Variants in POLR1A observed in about 807,000 individuals in gnomAD.
POLR1A encodes the protein DNA-directed RNA polymerase I subunit RPA1.
A neutral mutation model predicts 205.3 loss-of-function variants in POLR1A; 84 were observed. That is an observed-to-expected ratio of 0.41 (90% CI 0.34 to 0.49). The LOEUF (loss-of-function observed/expected upper bound fraction) is 0.49. Ranked by LOEUF, POLR1A falls within the 20% of genes least tolerant of loss-of-function variation. The pLI is 0.22. For synonymous variants in POLR1A, 799 were observed against 863.7 expected, an observed-to-expected ratio of 0.93 and a Z score of 1.31; for missense variants, 1,645 against 2,204.5, an observed-to-expected ratio of 0.75 and a Z score of 5.08.
rs1311958886 is a variant in POLR1A at position 86,078,299 on chromosome 2, C to T, written c.1087-15G>A. On this transcript the variant is annotated splice_polypyrimidine_tract_variant and intron_variant, in intron 9 of 33. Transcript: ENST00000263857. The stretch of plus-strand genomic sequence containing the variant: ...GAGTCTTTTTCCTGGAAGATGAAAC[C>T]AAGAAAACAGGGATGATGGAAAAAA... 3 of 1,557,222 alleles carry T rather than the reference C, an allele frequency of 1.9e-6. No homozygotes were observed. Among genetic ancestry groups the T allele is most frequent in the African/African-American group, 1.4e-5 (1 of 71,864 alleles).
In POLR1A at chr2:86,025,457, TC is replaced by T. The variant is rs1352505885; in HGVS notation, c.*1965del. 6.6e-6 allele frequency: 1 copy of T among 152,186 alleles called. No homozygotes were observed. Among genetic ancestry groups the T allele is most frequent in the Admixed American group, 6.5e-5 (1 of 15,276 alleles). The allele number at this position is 152,186 out of a possible 1,614,324, so 9.4% of individuals were successfully genotyped here. Reference sequence around the variant, plus strand: ...TCCCTGCTCATCAGGATGTGCAAGCTCCCAAATGTCTGTTTAAAAACCAGAC... The same window carrying T: ...TCCCTGCTCATCAGGATGTGCAAGCTCCAAATGTCTGTTTAAAAACCAGAC... On this transcript the variant is annotated 3_prime_UTR_variant, in exon 34 of 34. Transcript: ENST00000263857.
chr2:86,040,924 A>T (rs1337769515), intron 24 of POLR1A, among the ~76,000 whole-genome samples: 2 of 152,122 alleles, frequency 1.3e-5, no homozygotes, highest in African/African-American at 4.8e-5. Flanking sequence ...CTTCTCAATT[A>T]TGACAATTTG....
In POLR1A at chr2:86,047,273, A is replaced by T; in HGVS notation, c.2635-10T>A. 1 of 1,580,920 alleles carries T rather than the reference A, an allele frequency of 6.3e-7. No individual in the cohort carries two copies. The highest frequency in any genetic ancestry group is 1.3e-5 in the African/African-American group (1 of 74,416). On this transcript the variant is annotated splice_polypyrimidine_tract_variant and intron_variant, in intron 18 of 33. Transcript: ENST00000263857. ...CAAAAGGCATGCATGCCTGCAGATT[A>T]AATCAGCACAGTGGTCAGTGACTTC...
In POLR1A at chr2:86,043,299, G is replaced by A. The variant is rs569928710; in HGVS notation, c.3136-104C>T. 3.1e-5 allele frequency: 28 copies of A among 895,790 alleles called. No individual in the cohort carries two copies. In the South Asian group the frequency reaches 4.2e-4, roughly 13 times the overall value. The allele number at this position is 895,790 out of a possible 1,614,324, so 55.5% of individuals were successfully genotyped here. On this transcript the variant is annotated intron_variant, in intron 22 of 33. Transcript: ENST00000263857. Reference sequence around the variant, plus strand: ...TGGAGCACAAATTCAGGGGACCCAGGTGGCTGGTGTGGAGCCCTCATGATG... The same window carrying A: ...TGGAGCACAAATTCAGGGGACCCAGATGGCTGGTGTGGAGCCCTCATGATG...
rs1313260726 is a variant in POLR1A at position 86,065,202 on chromosome 2, T to C, written c.2058+72A>G. 5 of 1,349,152 alleles carry C rather than the reference T, an allele frequency of 3.7e-6. No homozygotes were observed. The East Asian group carries it at 6.9e-5, about 19-fold the overall frequency. 83.6% of individuals were successfully genotyped at this position (1,349,152 alleles called of 1,614,324 possible). ...TCTCTGTCTCTGGTCTGGACTCTTC[T>C]GAGAATAAAACCTTTTACATGAGTG... On this transcript the variant is annotated intron_variant, in intron 14 of 33. Coordinates refer to ENST00000263857, the MANE Select transcript of POLR1A (RefSeq NM_015425.6).
chr2:86,089,171 C>T (rs187801335), intron 4 of POLR1A, among the ~76,000 whole-genome samples: 57 of 152,330 alleles, frequency 3.7e-4, no homozygotes, highest in Non-Finnish European at 1.6e-4. Context: ...AGCCAGTACT[C>T]AATAAGTGCT....
At chr2:86,086,013 C>T (rs1330070165) in intron 6 of POLR1A, among the ~76,000 whole-genome samples, 1 of 152,010 alleles carries the variant, frequency 6.6e-6, no homozygotes, top group Non-Finnish European at 1.5e-5. Flanking sequence ...GACAGCGCTC[C>T]TTGTGGGATC....
At chr2:86,099,867 G>A in intron 2 of POLR1A, 101 bp downstream of exon 2, 1 of 897,626 alleles carries the variant, frequency 1.1e-6, no homozygotes, top group Admixed American at 1.9e-5. Context: ...TCATTGGAGT[G>A]CCTGGGGCTT....
rs1458504975 is a variant in POLR1A, at chr2:86,052,810, C to T, written c.2392+7G>A. On this transcript the variant is annotated splice_region_variant and intron_variant, in intron 16 of 33. Transcript: ENST00000263857. Reference sequence around the variant, plus strand: ...CACTGCCCCAGGGCAGCGAGCCCGGCACTTACCCAAGGTGAAGCCTCTGTA... The same window carrying T: ...CACTGCCCCAGGGCAGCGAGCCCGGTACTTACCCAAGGTGAAGCCTCTGTA... 5 of 1,509,802 alleles carry T rather than the reference C, an allele frequency of 3.3e-6. No homozygotes were observed. In the African/African-American group the frequency reaches 4.3e-5, roughly 13 times the overall value. 93.5% of individuals were successfully genotyped at this position (1,509,802 alleles called of 1,614,324 possible).
At chr2:86,074,897 C>T in intron 12 of POLR1A, 133 bp downstream of exon 12, 1 of 642,316 alleles carries the variant, frequency 1.6e-6, no homozygotes, top group Non-Finnish European at 2.7e-6. Flanking sequence ...AAAAGCCACC[C>T]ACGTGTCGGG....
intron 14 of POLR1A, among the ~76,000 whole-genome samples, chr2:86,062,595 C>T (rs13413723): frequency 0.042 from 6,321 of 151,436 alleles, 461 homozygotes; most frequent in African/African-American, 0.15. Context: ...CATAAAATGC[C>T]TACATTGAAA....
chr2:86,027,943 C>T lies in POLR1A; in HGVS notation c.5004G>A (p.Pro1668=), dbSNP rs760393184. ...NRFGIRSNSS[P]LQQMTFETSF... ...TGGTTTCAAATGTCATCTGCTGTAGCGGGGAAGAGTTTGACCGGATCCCAA... is the reference window on the plus strand; with the variant it reads ...TGGTTTCAAATGTCATCTGCTGTAGTGGGGAAGAGTTTGACCGGATCCCAA... The change falls in exon 33 of 34, where the codon CCG becomes CCA. Residue 1668 remains proline, a synonymous_variant. Coordinates refer to ENST00000263857, the MANE Select transcript of POLR1A (RefSeq NM_015425.6). 6.2e-6 allele frequency: 10 copies of T among 1,614,196 alleles called. No individual in the cohort carries two copies. Among genetic ancestry groups the T allele is most frequent in the African/African-American group, 2.7e-5 (2 of 75,058 alleles).
chr2:86,046,721 G>T (rs1237764346), intron 19 of POLR1A, among the ~76,000 whole-genome samples: 1 of 152,000 alleles, frequency 6.6e-6, no homozygotes, highest in Non-Finnish European at 1.5e-5. Context: ...GCGCATGCCT[G>T]TAATCCCGAG....
intron 3 of POLR1A, among the ~76,000 whole-genome samples, chr2:86,097,348 A>C (rs1380583036): frequency 6.6e-6 from 1 of 151,924 alleles, no homozygotes; most frequent in African/African-American, 2.4e-5. Context: ...TCCTCAAATA[A>C]CTACAAATAC....
At chr2:86,034,578 T>C (rs1012478943) in intron 27 of POLR1A, among the ~76,000 whole-genome samples, 3 of 152,142 alleles carry the variant, frequency 2.0e-5, no homozygotes, top group Middle Eastern at 3.2e-3. Flanking sequence ...TCTTTCCTCA[T>C]GTAACCCCCT....
rs200374085 is a variant in POLR1A, at chr2:86,030,259, G to A, written c.4716C>T (p.Asn1572=). ...CTGTGTTTAGCACAAGCTCCTTCTC[G>A]TTCTTATTGTTGGTTGTTTCATTCA... ...CLLNETTNNK[N]EKELVLNTEG... is the part of the protein sequence containing the mutation. Residue 1572 remains asparagine (N), a synonymous_variant, in exon 31 of 34, where the codon AAC becomes AAT. Coordinates refer to ENST00000263857, the MANE Select transcript of POLR1A (RefSeq NM_015425.6). The A allele has an allele frequency of 4.7e-4, 758 of 1,614,142 alleles. 1 individual carries two copies. The highest frequency in any genetic ancestry group is 5.6e-4 in the Non-Finnish European group (659 of 1,180,000).
intron 7 of POLR1A, among the ~76,000 whole-genome samples, chr2:86,082,818 G>A (rs1673428350): frequency 6.6e-6 from 1 of 152,196 alleles, no homozygotes; most frequent in African/African-American, 2.4e-5. Flanking sequence ...ATGCCAACCT[G>A]TATTAAGTGA....
At position 86,068,388 on chromosome 2, in the gene POLR1A, G is replaced by GA. The variant is rs985989126; in HGVS notation, c.1866+1629_1866+1630insT. On this transcript the variant is annotated intron_variant, in intron 13 of 33. Transcript: ENST00000263857. ...ACACGCACAGCCAAGCACATGGGCGGGGGGGGGGGGCGGGTGTCGTCCAAA... is the reference window on the plus strand; with the variant it reads ...ACACGCACAGCCAAGCACATGGGCGGAGGGGGGGGGGCGGGTGTCGTCCAAA... Among the ~76,000 whole-genome samples, 5 of 116,960 alleles carry GA rather than the reference G, an allele frequency of 4.3e-5. 1 individual carries two copies. Among genetic ancestry groups the GA allele is most frequent in the African/African-American group, 6.7e-5 (2 of 29,904 alleles). The allele number at this position is 116,960 out of a possible 152,430, so 76.7% of individuals were successfully genotyped here.
intron 19 of POLR1A, among the ~76,000 whole-genome samples, chr2:86,046,008 C>G (rs753223872): frequency 6.6e-6 from 1 of 152,046 alleles, no homozygotes; most frequent in African/African-American, 2.4e-5. Context: ...AATGGGTGCT[C>G]TCTATAAAAA....
Sources: allele counts gnomAD v4.1 joint callset (sites outside exome capture counted in the v4.1 genomes callset), GRCh38; gene constraint gnomAD v4.1.1; transcripts MANE v1.5; gene names NCBI Gene and HGNC (gene_info 2026-07-23, HGNC 2026-07-21).